CRYBG1: variants seen among roughly 807,000 people sequenced by gnomAD.
CRYBG1 encodes crystallin beta-gamma domain containing 1.
CRYBG1 carries 139 observed loss-of-function variants against 189.2 expected under a neutral mutation model. The observed-to-expected ratio is 0.73, with a 90% confidence interval of 0.64 to 0.85. CRYBG1 has a LOEUF of 0.85. CRYBG1 is among the 40% of genes least tolerant of loss of function. The probability of loss-of-function intolerance (pLI) is 0.00; values close to 1 mark genes in which losing one functional copy is unlikely to be tolerated. For missense variants in CRYBG1, 2,611 were observed against 2,675.8 expected (o/e 0.98, Z 0.53); for synonymous variants, 1,023 against 1,017.1 (o/e 1.01, Z -0.11).
At chr6:106,467,039 T>C (rs1380398702) in intron 2 of CRYBG1, among the ~76,000 whole-genome samples, 1 of 152,218 alleles carries the variant, frequency 6.6e-6, no homozygotes, top group African/African-American at 2.4e-5. Context: ...TGGGCTTGTA[T>C]TAAGATAGAG....
intron 6 of CRYBG1, among the ~76,000 whole-genome samples, chr6:106,526,459 AAAGCAT>A (rs1348370934): frequency 9.9e-5 from 15 of 152,052 alleles, no homozygotes; most frequent in Admixed American, 9.8e-4. Flanking sequence ...CTTTTTCTTG[AAAGCAT>A]AAGCATTTAC....
chr6:106,500,847 T>C (rs1436993474), intron 2 of CRYBG1, among the ~76,000 whole-genome samples: 1 of 152,212 alleles, frequency 6.6e-6, no homozygotes, highest in Non-Finnish European at 1.5e-5. Flanking sequence ...AAACTAGATT[T>C]TGGGGAGTCA....
At chr6:106,482,504 G>A (rs1049712220) in intron 2 of CRYBG1, among the ~76,000 whole-genome samples, 2 of 152,168 alleles carry the variant, frequency 1.3e-5, no homozygotes, top group African/African-American at 4.8e-5. Flanking sequence ...GGCCAGGCAT[G>A]GTGGCTCACG....
chr6:106,398,584 C>G (rs1770659694), intron 1 of CRYBG1, among the ~76,000 whole-genome samples: 1 of 152,076 alleles, frequency 6.6e-6, no homozygotes, highest in Non-Finnish European at 1.5e-5. Context: ...TAGAAGGTCC[C>G]CCAAGTATTC....
chr6:106,451,458 T>C, intron 1 of CRYBG1: 5 of 329,190 alleles, frequency 1.5e-5, no homozygotes, highest in Non-Finnish European at 2.7e-5. Context: ...TAATTTGTTT[T>C]CTGCATAGGA....
Position 106,558,403 on chromosome 6 carries a change from GT to G in CRYBG1, c.5716-82del, listed in dbSNP as rs1385872639. 42 of 1,243,602 alleles carry G rather than the reference GT, an allele frequency of 3.4e-5. No homozygotes were observed. In the East Asian group the frequency reaches 9.2e-4, roughly 27 times the overall value. 77.0% of individuals were successfully genotyped at this position (1,243,602 alleles called of 1,614,324 possible). Reference sequence around the variant, plus strand: ...AAATCTAGCAGATTTTTTGTGCTTTGTCCTTGTAACAAGATGATTTTCACAT... The same window carrying G: ...AAATCTAGCAGATTTTTTGTGCTTTGCCTTGTAACAAGATGATTTTCACAT... On this transcript the variant is annotated intron_variant, in intron 17 of 21. Coordinates refer to ENST00000633556, the MANE Select transcript of CRYBG1 (RefSeq NM_001371242.2).
intron 1 of CRYBG1, among the ~76,000 whole-genome samples, chr6:106,414,181 G>C (rs1770980366): frequency 6.6e-6 from 1 of 152,202 alleles, no homozygotes; most frequent in Admixed American, 6.5e-5. Context: ...GTCTTTGAAA[G>C]AGTGAAAAAT....
intron 1 of CRYBG1, among the ~76,000 whole-genome samples, chr6:106,379,496 T>C (rs910998245): frequency 1.6e-4 from 24 of 151,998 alleles, no homozygotes; most frequent in Admixed American, 1.4e-3. Flanking sequence ...CTCCTGACCT[T>C]GTGATCCACC....
chr6:106,427,051 T>C (rs1304369735), intron 1 of CRYBG1, among the ~76,000 whole-genome samples: 3 of 152,160 alleles, frequency 2.0e-5, no homozygotes, highest in Admixed American at 2.0e-4. Context: ...TCTTTTTGCC[T>C]CTTTTGCTGG....
At chr6:106,491,334 A>G (rs1222647032) in intron 2 of CRYBG1, among the ~76,000 whole-genome samples, 3 of 152,228 alleles carry the variant, frequency 2.0e-5, no homozygotes, top group East Asian at 1.9e-4. Flanking sequence ...ACATTGCCCT[A>G]TAACAGAGTT....
rs916400371 is a variant in CRYBG1, at chr6:106,360,728, C to T, written c.-181C>T. Reference sequence around the variant, plus strand: ...ACAGCTCGGGCTGCAGTGCTGCTCGCGCTGCGCTGGGTGCTGGTTCTGCAA... The same window carrying T: ...ACAGCTCGGGCTGCAGTGCTGCTCGTGCTGCGCTGGGTGCTGGTTCTGCAA... On this transcript the variant is annotated 5_prime_UTR_variant, in exon 1 of 22. Transcript: ENST00000633556. The T allele has an allele frequency of 7.9e-6, 5 of 630,224 alleles. No homozygotes were observed. Among genetic ancestry groups the T allele is most frequent in the African/African-American group, 2.0e-5 (1 of 51,082 alleles). The allele number at this position is 630,224 out of a possible 1,614,324, so 39.0% of individuals were successfully genotyped here.
intron 2 of CRYBG1, among the ~76,000 whole-genome samples, chr6:106,492,623 T>A (rs1772750029): frequency 6.6e-6 from 1 of 152,176 alleles, no homozygotes; most frequent in Non-Finnish European, 1.5e-5. Flanking sequence ...AAACGCCACC[T>A]TCTCAACAAA....
chr6:106,544,732 T>C (rs1774223859), intron 12 of CRYBG1, 35 bp downstream of exon 12: 3 of 1,607,492 alleles, frequency 1.9e-6, no homozygotes, highest in Non-Finnish European at 2.5e-6. Flanking sequence ...TAATACTTGG[T>C]CTTCTTTGGA....
chr6:106,480,992 T>TTTTTTG lies in CRYBG1; in HGVS notation c.312+29160_312+29161insTTTTTG, dbSNP rs370373086. On this transcript the variant is annotated intron_variant, in intron 2 of 21. Transcript: ENST00000633556. ...TCTTTTTTTTTTTTTTTTTTTTTTT[T>TTTTTTG]AGACGGAGTCTCGCTCTGTCGCCCA... Among the ~76,000 whole-genome samples, 35 of 30,342 alleles carry TTTTTTG rather than the reference T, an allele frequency of 1.2e-3. 8 individuals are homozygous for TTTTTTG. Among genetic ancestry groups the TTTTTTG allele is most frequent in the Admixed American group, 3.2e-3 (4 of 1,232 alleles). The allele number at this position is 30,342 out of a possible 152,430, so 19.9% of individuals were successfully genotyped here.
chr6:106,504,004 TG>T (rs1378629403), intron 2 of CRYBG1, among the ~76,000 whole-genome samples: 1 of 144,370 alleles, frequency 6.9e-6, no homozygotes, highest in Non-Finnish European at 1.5e-5. Flanking sequence ...ATGATATTAT[TG>T]TTTGGCCTGA....
intron 1 of CRYBG1, among the ~76,000 whole-genome samples, chr6:106,372,502 T>C (rs1420268300): frequency 2.0e-5 from 3 of 152,224 alleles, no homozygotes; most frequent in African/African-American, 7.2e-5. Context: ...TCTGCCCACC[T>C]TGGCCTCCCA....
At chr6:106,382,043 C>T (rs1244634197) in intron 1 of CRYBG1, among the ~76,000 whole-genome samples, 2 of 152,172 alleles carry the variant, frequency 1.3e-5, no homozygotes, top group Non-Finnish European at 2.9e-5. Context: ...AATGAACAGT[C>T]CTCCTCAGCT....
At chr6:106,531,307 A>G (rs1432749131) in intron 8 of CRYBG1, among the ~76,000 whole-genome samples, 2 of 152,354 alleles carry the variant, frequency 1.3e-5, no homozygotes, top group African/African-American at 4.8e-5. Flanking sequence ...TGAGAAACTA[A>G]AAACTTCTAG....
rs115043766 is a variant in CRYBG1 at position 106,491,248 on chromosome 6, T to C, written c.313-20182T>C. On this transcript the variant is annotated intron_variant, in intron 2 of 21. Coordinates refer to ENST00000633556, the MANE Select transcript of CRYBG1 (RefSeq NM_001371242.2). ...GTGTGGAGGCTGCATGCAAAAGGACTGACTCCTGATCAAAAACTGGAAAAT... is the reference window on the plus strand; with the variant it reads ...GTGTGGAGGCTGCATGCAAAAGGACCGACTCCTGATCAAAAACTGGAAAAT... Among the ~76,000 whole-genome samples the C allele has an allele frequency of 9.1e-3, 1,386 of 152,338 alleles. 25 individuals are homozygous for C. Among genetic ancestry groups the C allele is most frequent in the African/African-American group, 0.032 (1,326 of 41,578 alleles).
Sources: gnomAD v4.1 joint callset for allele counts (sites outside exome capture counted in the v4.1 genomes callset) on GRCh38, gnomAD v4.1.1 for gene constraint, MANE v1.5 for transcripts, NCBI Gene and HGNC (gene_info 2026-07-23, HGNC 2026-07-21) for gene names.